Variants in LRRIQ3 observed in about 807,000 individuals in gnomAD.
LRRIQ3 encodes the protein leucine-rich repeat and IQ domain-containing protein 3.
Under a neutral mutation model 59.3 loss-of-function variants are expected in LRRIQ3, and 75 were observed. The ratio of observed to expected loss-of-function variants is 1.26; its 90% CI spans 1.05 to 1.53. The LOEUF (loss-of-function observed/expected upper bound fraction) is 1.53. Ranked by LOEUF, LRRIQ3 falls within the 40% of genes most tolerant of loss-of-function variation. LRRIQ3 has a pLI of 0.00. For missense variants in LRRIQ3, 831 were observed against 710.0 expected, an observed-to-expected ratio of 1.17 and a Z score of -1.94; for synonymous variants, 250 against 231.3, an observed-to-expected ratio of 1.08 and a Z score of -0.73.
At chr1:74,080,613 C>G (rs1646263290) in intron 5 of LRRIQ3, among the ~76,000 whole-genome samples, 1 of 151,592 alleles carries the variant, frequency 6.6e-6, no homozygotes, top group African/African-American at 2.4e-5. Flanking sequence ...CTAGTTAGAG[C>G]TCTAAAAAAT....
At chr1:74,107,805 G>T (rs1183214865) in intron 5 of LRRIQ3, among the ~76,000 whole-genome samples, 1 of 150,856 alleles carries the variant, frequency 6.6e-6, no homozygotes, top group Non-Finnish European at 1.5e-5. Flanking sequence ...TATGAATGGT[G>T]GTTATAAAAA....
At chr1:74,124,242 C>A (rs1040483202) in intron 4 of LRRIQ3, among the ~76,000 whole-genome samples, 3 of 151,760 alleles carry the variant, frequency 2.0e-5, no homozygotes, top group African/African-American at 7.3e-5. Flanking sequence ...GTTGTTTGAG[C>A]TCCTTATATA....
At position 74,095,528 on chromosome 1, in the gene LRRIQ3, A is replaced by T. The variant is rs545740838; in HGVS notation, c.867+13866T>A. Among the ~76,000 whole-genome samples the T allele has an allele frequency of 2.0e-5, 3 of 152,260 alleles. No homozygotes were observed. The South Asian group carries it at 6.2e-4, about 32-fold the overall frequency. On this transcript the variant is annotated intron_variant, in intron 5 of 7. Transcript: ENST00000354431. ...AAAGGCATATGTGTTGTGAACTATT[A>T]TAACTAAGATATTGGGAAGGAAATT...
chr1:74,127,152 C>A (rs1156438232), intron 4 of LRRIQ3, among the ~76,000 whole-genome samples: 1 of 151,846 alleles, frequency 6.6e-6, no homozygotes, highest in Non-Finnish European at 1.5e-5. Context: ...TGTATCATGT[C>A]TGGTATAAGT....
At chr1:74,028,084 C>G (rs1270592296) in intron 7 of LRRIQ3, among the ~76,000 whole-genome samples, 2 of 151,902 alleles carry the variant, frequency 1.3e-5, no homozygotes, top group African/African-American at 4.8e-5. Flanking sequence ...ATGGTCAAAA[C>G]AAAGGTAGAG....
At chr1:74,192,493 T>C (rs1440112788) in intron 1 of LRRIQ3, among the ~76,000 whole-genome samples, 1 of 152,116 alleles carries the variant, frequency 6.6e-6, no homozygotes, top group African/African-American at 2.4e-5. Flanking sequence ...GATTTTTGTT[T>C]CATATGTATT....
At chr1:74,051,625 T>C (rs1654372194) in intron 6 of LRRIQ3, among the ~76,000 whole-genome samples, 1 of 152,092 alleles carries the variant, frequency 6.6e-6, no homozygotes, top group African/African-American at 2.4e-5. Context: ...AGAAACCCCA[T>C]ACGCATTAGA....
chr1:74,192,089 G>A (rs762611652), intron 1 of LRRIQ3, among the ~76,000 whole-genome samples: 77 of 152,108 alleles, frequency 5.1e-4, no homozygotes, highest in Non-Finnish European at 4.4e-4. Context: ...ACAATGTAAA[G>A]CATCTAACCA....
At chr1:74,060,150 G>A (rs1470107328) in intron 6 of LRRIQ3, among the ~76,000 whole-genome samples, 1 of 151,724 alleles carries the variant, frequency 6.6e-6, no homozygotes, top group Non-Finnish European at 1.5e-5. Context: ...AGTAACCTGA[G>A]TCGCCTTCTT....
intron 5 of LRRIQ3, among the ~76,000 whole-genome samples, chr1:74,085,336 A>T (rs1008715889): frequency 9.9e-5 from 15 of 151,228 alleles, no homozygotes; most frequent in South Asian, 4.2e-4. Flanking sequence ...AAAAAAAAAA[A>T]AAAATAAAAC....
chr1:74,124,157 T>C (rs1416486384), intron 4 of LRRIQ3, among the ~76,000 whole-genome samples: 1 of 152,028 alleles, frequency 6.6e-6, no homozygotes, highest in East Asian at 1.9e-4. Context: ...TCCATGTATA[T>C]GTCTTCTTTT....
chr1:74,043,540 C>T (rs1383417127), intron 6 of LRRIQ3, among the ~76,000 whole-genome samples: 1 of 152,076 alleles, frequency 6.6e-6, no homozygotes, highest in Admixed American at 6.6e-5. Flanking sequence ...GCCAAAGTGT[C>T]CAGAAATAAA....
chr1:74,079,725 T>C lies in LRRIQ3; in HGVS notation c.868-4935A>G, dbSNP rs533401089. Among the ~76,000 whole-genome samples the C allele has an allele frequency of 9.9e-5, 15 of 151,932 alleles. No homozygotes were observed. In the East Asian group the frequency reaches 2.7e-3, roughly 27 times the overall value. ...TTATTCATTAAATGCTGAATGAATATAGCCAAAGAGAAATAGCAGAAGGAA... is the reference window on the plus strand; with the variant it reads ...TTATTCATTAAATGCTGAATGAATACAGCCAAAGAGAAATAGCAGAAGGAA... On this transcript the variant is annotated intron_variant, in intron 5 of 7. Transcript: ENST00000354431.
chr1:74,144,007 A>T (rs1236070090), intron 4 of LRRIQ3, among the ~76,000 whole-genome samples: 1 of 152,068 alleles, frequency 6.6e-6, no homozygotes, highest in East Asian at 1.9e-4. Context: ...CTAGTGAAGC[A>T]TTAACGATGT....
At chr1:74,085,550 C>G (rs1646319106) in intron 5 of LRRIQ3, among the ~76,000 whole-genome samples, 1 of 151,646 alleles carries the variant, frequency 6.6e-6, no homozygotes, top group Non-Finnish European at 1.5e-5. Context: ...ACATCAGAGA[C>G]TATGTTATTT....
chr1:74,169,973 G>C (rs568644183), intron 3 of LRRIQ3, among the ~76,000 whole-genome samples: 24 of 152,126 alleles, frequency 1.6e-4, no homozygotes, highest in African/African-American at 5.8e-4. Flanking sequence ...ATTCTTTGGA[G>C]AAATGTCTAT....
In LRRIQ3 at chr1:74,155,866, C is replaced by A. The variant is rs1196523125; in HGVS notation, c.574G>T (p.Gly192Ter). The stretch of plus-strand genomic sequence containing the variant: ...TTAATTTCCTCTTCATAGGTTGTTC[C>A]CTGTATAAAGAAAATATAATTAATA... ...FFNFCPALRK[G>*]TTYEEEINNI... The change falls in exon 4 of 8, where the codon GGA becomes TGA. Residue 192 changes from glycine to a stop codon, truncating the protein, a stop_gained and splice_region_variant. Coordinates refer to ENST00000354431, the MANE Select transcript of LRRIQ3 (RefSeq NM_001105659.2). LOFTEE classifies it high-confidence loss of function. 1 of 1,337,604 alleles carries A rather than the reference C, an allele frequency of 7.5e-7. No homozygotes were observed. Among genetic ancestry groups the A allele is most frequent in the Non-Finnish European group, 1.0e-6 (1 of 996,848 alleles). The allele number at this position is 1,337,604 out of a possible 1,614,324, so 82.9% of individuals were successfully genotyped here.
intron 4 of LRRIQ3, among the ~76,000 whole-genome samples, chr1:74,137,922 T>C (rs370885043): frequency 1.4e-5 from 2 of 142,116 alleles, no homozygotes; most frequent in East Asian, 4.9e-4. Flanking sequence ...GAGGGGAACA[T>C]CACACACCGG....
intron 3 of LRRIQ3, among the ~76,000 whole-genome samples, chr1:74,177,152 C>A (rs1649692254): frequency 6.6e-6 from 1 of 152,074 alleles, no homozygotes; most frequent in Non-Finnish European, 1.5e-5. Context: ...TGTTGCTGAA[C>A]TTTGTCAGCT....
Sources: gnomAD v4.1 joint callset for allele counts (sites outside exome capture counted in the v4.1 genomes callset) on GRCh38, gnomAD v4.1.1 for gene constraint, MANE v1.5 for transcripts, NCBI Gene and HGNC (gene_info 2026-07-23, HGNC 2026-07-21) for gene names.